TMEM217B: variants seen among roughly 807,000 people sequenced by gnomAD.
The protein encoded by TMEM217B is putative transmembrane protein 217B.
the TMEM217B span, among the ~76,000 whole-genome samples, chr6:37,254,511 G>A: frequency 6.6e-6 from 1 of 152,146 alleles, no homozygotes; most frequent in African/African-American, 2.4e-5. Flanking sequence ...ATCTTTCTCA[G>A]AGAAGACTGT....
chr6:37,232,433 T>C, the TMEM217B span, among the ~76,000 whole-genome samples: 16 of 152,358 alleles, frequency 1.1e-4, no homozygotes, highest in African/African-American at 3.1e-4. Flanking sequence ...TCGCCCAGGC[T>C]GGAGTGCAGT....
chr6:37,246,333 C>T, the TMEM217B span, among the ~76,000 whole-genome samples: 1 of 152,196 alleles, frequency 6.6e-6, no homozygotes, highest in Non-Finnish European at 1.5e-5. Context: ...TCTGCTCCCA[C>T]ATGTCTGTTA....
At chr6:37,240,889 T>A in the TMEM217B span, among the ~76,000 whole-genome samples, 5 of 152,184 alleles carry the variant, frequency 3.3e-5, no homozygotes, top group Non-Finnish European at 7.3e-5. Context: ...TCTATTTTGA[T>A]TTATTCTCTT....
the TMEM217B span, among the ~76,000 whole-genome samples, chr6:37,230,742 C>A: frequency 6.6e-6 from 1 of 152,122 alleles, no homozygotes; most frequent in Non-Finnish European, 1.5e-5. Context: ...TATAGAAGCC[C>A]TAGCAAACCA....
At chr6:37,225,026 AC>A in the TMEM217B span, among the ~76,000 whole-genome samples, 1 of 150,980 alleles carries the variant, frequency 6.6e-6, no homozygotes, top group East Asian at 1.9e-4. Context: ...AAAAAAAAAA[AC>A]ACCACCACCA....
At chr6:37,223,290 G>T in the TMEM217B span, among the ~76,000 whole-genome samples, 3 of 151,438 alleles carry the variant, frequency 2.0e-5, no homozygotes, top group Non-Finnish European at 4.4e-5. Flanking sequence ...AAGGATAAAT[G>T]AAAGAAAATC....
chr6:37,221,616 A>G, the TMEM217B span, among the ~76,000 whole-genome samples: 3 of 152,204 alleles, frequency 2.0e-5, no homozygotes, highest in African/African-American at 7.2e-5. Flanking sequence ...TAAAAGATAA[A>G]CTGAAAATAT....
At chr6:37,216,567 C>A in the TMEM217B span, among the ~76,000 whole-genome samples, 1 of 152,080 alleles carries the variant, frequency 6.6e-6, no homozygotes, top group East Asian at 1.9e-4. Flanking sequence ...GGATGAGCAC[C>A]TGGATGGAGG....
At chr6:37,252,135 C>T in the TMEM217B span, among the ~76,000 whole-genome samples, 4 of 152,160 alleles carry the variant, frequency 2.6e-5, no homozygotes, top group Non-Finnish European at 5.9e-5. Flanking sequence ...TCAGGTGATC[C>T]GCCTGCCTCG....
the TMEM217B span, among the ~76,000 whole-genome samples, chr6:37,238,397 C>T: frequency 1.3e-5 from 2 of 152,242 alleles, no homozygotes; most frequent in African/African-American, 4.8e-5. Context: ...TAGCAGACAC[C>T]GTTAGCTTCC....
At chr6:37,244,298 C>T in the TMEM217B span, among the ~76,000 whole-genome samples, 4 of 152,250 alleles carry the variant, frequency 2.6e-5, no homozygotes, top group African/African-American at 9.6e-5. Context: ...TCAGATTTCT[C>T]TTACTGTCGT....
chr6:37,231,799 A>ATT, the TMEM217B span, among the ~76,000 whole-genome samples: 3 of 145,386 alleles, frequency 2.1e-5, no homozygotes, highest in Non-Finnish European at 3.0e-5. Flanking sequence ...TAAATGTACA[A>ATT]TTTTTTTTTT....
At chr6:37,234,105 T>C in the TMEM217B span, among the ~76,000 whole-genome samples, 4 of 129,822 alleles carry the variant, frequency 3.1e-5, no homozygotes, top group Non-Finnish European at 6.1e-5. Flanking sequence ...TAAATGCCTT[T>C]TTTTTTTTTT....
the TMEM217B span, among the ~76,000 whole-genome samples, chr6:37,236,751 T>C: frequency 6.6e-6 from 1 of 152,212 alleles, no homozygotes; most frequent in African/African-American, 2.4e-5. Context: ...GTGAATGGAT[T>C]CTGTGGGTGA....
At chr6:37,235,258 A>G in the TMEM217B span, among the ~76,000 whole-genome samples, 2 of 152,222 alleles carry the variant, frequency 1.3e-5, no homozygotes, top group Admixed American at 6.5e-5. Context: ...GAATGTTGGC[A>G]ACATTTTAAA....
the TMEM217B span, among the ~76,000 whole-genome samples, chr6:37,256,252 C>G: frequency 6.6e-6 from 1 of 152,260 alleles, no homozygotes; most frequent in African/African-American, 2.4e-5. Context: ...TGGTTGCCAC[C>G]AAGGTAAGGA....
At chr6:37,229,344 T>TTTTG in the TMEM217B span, among the ~76,000 whole-genome samples, 305 of 127,772 alleles carry the variant, frequency 2.4e-3, 15 homozygotes, top group African/African-American at 8.9e-3. Flanking sequence ...AGTTTTTTTT[T>TTTTG]TTTTTTTTTT....
chr6:37,224,467 G>A, the TMEM217B span, among the ~76,000 whole-genome samples: 2 of 151,490 alleles, frequency 1.3e-5, no homozygotes, highest in Admixed American at 6.6e-5. Flanking sequence ...GCGTGGTGGC[G>A]GGCACCTGTG....
At chr6:37,239,633 T>C in the TMEM217B span, among the ~76,000 whole-genome samples, 2 of 152,184 alleles carry the variant, frequency 1.3e-5, no homozygotes, top group Admixed American at 6.5e-5. Flanking sequence ...TACTCAATCA[T>C]GGTAAGAACT....
Sources: allele counts gnomAD v4.1 joint callset (sites outside exome capture counted in the v4.1 genomes callset), GRCh38; gene constraint gnomAD v4.1.1; transcripts MANE v1.5; gene names NCBI Gene and HGNC (gene_info 2026-07-23, HGNC 2026-07-21).